The following TENM4 variants were observed in gnomAD, a reference collection of about 807,000 sequenced individuals.
TENM4 encodes teneurin transmembrane protein 4.
Under a neutral mutation model 243.3 loss-of-function variants are expected in TENM4, and 82 were observed. The observed-to-expected ratio is 0.34, with a 90% CI of 0.28 to 0.40. TENM4 has a LOEUF of 0.40. Ranked by LOEUF, TENM4 falls within the 10% of genes least tolerant of loss-of-function variation. The pLI is 1.00. For missense variants in TENM4, 3,138 were observed against 3,673.3 expected (o/e 0.85, Z 3.77); for synonymous variants, 1,412 against 1,456.3 (o/e 0.97, Z 0.69).
At chr11:79,245,178 G>T (rs978181007) in intron 2 of TENM4, among the ~76,000 whole-genome samples, 1 of 152,178 alleles carries the variant, frequency 6.6e-6, no homozygotes, top group Non-Finnish European at 1.5e-5. Context: ...CATCCTGCAC[G>T]TGGAAGCCTC....
At chr11:79,055,210 T>C (rs1477552189) in intron 6 of TENM4, among the ~76,000 whole-genome samples, 1 of 152,060 alleles carries the variant, frequency 6.6e-6, no homozygotes, top group Non-Finnish European at 1.5e-5. Context: ...TTATTCTGCT[T>C]CTCTCTATTC....
intron 1 of TENM4, among the ~76,000 whole-genome samples, chr11:79,373,968 T>C (rs955380): frequency 0.013 from 1,974 of 152,168 alleles, 40 homozygotes; most frequent in African/African-American, 0.044. Flanking sequence ...GTGAGGGCCA[T>C]CCAAGGCTGG....
chr11:78,743,075 A>G (rs1162323407), intron 19 of TENM4, among the ~76,000 whole-genome samples: 1 of 152,156 alleles, frequency 6.6e-6, no homozygotes, highest in Non-Finnish European at 1.5e-5. Context: ...ATCTCATACT[A>G]CCCAATCCAG....
At chr11:79,073,395 T>C (rs374482066) in intron 4 of TENM4, among the ~76,000 whole-genome samples, 2 of 152,288 alleles carry the variant, frequency 1.3e-5, no homozygotes, top group South Asian at 2.1e-4. Flanking sequence ...CTTTTTTTCA[T>C]GTCTGCCTCT....
chr11:78,722,497 T>TGCACTG (rs1855412414), intron 24 of TENM4, among the ~76,000 whole-genome samples, 171 bp downstream of exon 24: 1 of 152,158 alleles, frequency 6.6e-6, no homozygotes, highest in South Asian at 2.1e-4. Context: ...TTCACTGTAG[T>TGCACTG]GCACTGGGGA....
chr11:79,314,823 C>T (rs576089305), intron 1 of TENM4, among the ~76,000 whole-genome samples: 16 of 152,164 alleles, frequency 1.1e-4, no homozygotes, highest in Non-Finnish European at 2.4e-4. Context: ...ACTTAGAAAA[C>T]TTTAAAAAAT....
intron 6 of TENM4, among the ~76,000 whole-genome samples, chr11:78,942,640 C>T (rs1446923277): frequency 1.3e-5 from 2 of 152,144 alleles, no homozygotes; most frequent in Non-Finnish European, 2.9e-5. Context: ...AGTGCAAGCT[C>T]TGTGGGCAAC....
intron 6 of TENM4, among the ~76,000 whole-genome samples, chr11:78,935,873 G>A (rs993714712): frequency 1.3e-5 from 2 of 152,164 alleles, no homozygotes; most frequent in Non-Finnish European, 2.9e-5. Context: ...TTTTGCAACC[G>A]TTGAATGGAG....
intron 2 of TENM4, among the ~76,000 whole-genome samples, chr11:79,266,758 C>T (rs1855890423): frequency 6.6e-6 from 1 of 152,068 alleles, no homozygotes; most frequent in African/African-American, 2.4e-5. Context: ...CTAGTAGTGA[C>T]CAAGGAGACT....
At chr11:78,752,154 TCATTAAACCTG>T (rs1856203803) in intron 19 of TENM4, among the ~76,000 whole-genome samples, 1 of 152,172 alleles carries the variant, frequency 6.6e-6, no homozygotes, top group Non-Finnish European at 1.5e-5. Flanking sequence ...GCTACTGTAT[TCATTAAACCTG>T]CATTAAACAC....
chr11:79,433,586 C>A (rs921545037), intron 1 of TENM4, among the ~76,000 whole-genome samples: 3 of 152,166 alleles, frequency 2.0e-5, no homozygotes, highest in Non-Finnish European at 4.4e-5. Flanking sequence ...ACCTAATGTT[C>A]TTAAGGATTT....
intron 24 of TENM4, among the ~76,000 whole-genome samples, chr11:78,720,837 C>A (rs1430922135): frequency 6.6e-6 from 1 of 152,028 alleles, no homozygotes; most frequent in African/African-American, 2.4e-5. Flanking sequence ...CAATAGAATA[C>A]AGAATTGGAG....
intron 26 of TENM4, 115 bp downstream of exon 26, chr11:78,712,367 C>T (rs768234119): frequency 1.1e-5 from 9 of 840,078 alleles, no homozygotes; most frequent in Middle Eastern, 2.3e-4. Context: ...TACCATCCTC[C>T]ATATATTTCT....
chr11:79,405,846 T>TC (rs1162950044), intron 1 of TENM4, among the ~76,000 whole-genome samples: 5 of 101,832 alleles, frequency 4.9e-5, no homozygotes, highest in Middle Eastern at 6.3e-3. Flanking sequence ...CATTGTGATT[T>TC]CAAAAAAAAA....
chr11:78,732,096 C>T (rs1369640189), intron 21 of TENM4, among the ~76,000 whole-genome samples: 2 of 151,434 alleles, frequency 1.3e-5, no homozygotes, highest in African/African-American at 4.9e-5. Flanking sequence ...CCAGGCAGTT[C>T]CAGGCACTCA....
intron 6 of TENM4, among the ~76,000 whole-genome samples, chr11:79,052,038 T>C (rs1349724823): frequency 6.6e-6 from 1 of 152,228 alleles, no homozygotes; most frequent in Admixed American, 6.5e-5. Context: ...GACATTTAGG[T>C]TGATTCCATG....
chr11:79,188,344 G>A (rs994843573), intron 3 of TENM4, among the ~76,000 whole-genome samples: 4 of 152,170 alleles, frequency 2.6e-5, no homozygotes, highest in African/African-American at 4.8e-5. Flanking sequence ...CACATTCATG[G>A]CCATGAATCC....
intron 4 of TENM4, among the ~76,000 whole-genome samples, chr11:79,091,521 C>T (rs953875608): frequency 6.6e-6 from 1 of 152,182 alleles, no homozygotes; most frequent in Non-Finnish European, 1.5e-5. Flanking sequence ...ACAATCCTGT[C>T]CCTGCTCAGA....
chr11:78,857,762 A>G (rs550045940), intron 10 of TENM4, among the ~76,000 whole-genome samples: 1 of 152,348 alleles, frequency 6.6e-6, no homozygotes, highest in East Asian at 1.9e-4. Flanking sequence ...GTGATTCACA[A>G]AGTTCAAAGA....
Sources: allele counts gnomAD v4.1 joint callset (sites outside exome capture counted in the v4.1 genomes callset), GRCh38; gene constraint gnomAD v4.1.1; transcripts MANE v1.5; gene names NCBI Gene and HGNC (gene_info 2026-07-23, HGNC 2026-07-21).